Variants in ANPEP observed in about 807,000 individuals in gnomAD.
ANPEP encodes the protein alanyl aminopeptidase, membrane, also known as aminopeptidase N.
In ANPEP, 70 loss-of-function variants were observed where a neutral mutation model predicts 114.6. That is an observed-to-expected ratio of 0.61 (90% CI 0.50 to 0.75). The LOEUF (loss-of-function observed/expected upper bound fraction) is 0.75, where lower values mean the gene tolerates loss of function less well. Ranked by LOEUF, ANPEP falls within the 30% of genes least tolerant of loss-of-function variation. ANPEP has a pLI of 0.00. For missense variants in ANPEP, 1,184 were observed against 1,259.5 expected, an observed-to-expected ratio of 0.94 and a Z score of 0.91; for synonymous variants, 548 against 522.3, an observed-to-expected ratio of 1.05 and a Z score of -0.67.
chr15:89,797,883 AT>A (rs1256556169), intron 14 of ANPEP, among the ~76,000 whole-genome samples, 161 bp from the exon 15 acceptor site: 2 of 152,326 alleles, frequency 1.3e-5, no homozygotes, highest in East Asian at 3.9e-4. Context: ...CAGCTCAGGC[AT>A]TTGCCATGGA....
Position 89,803,360 on chromosome 15 carries a change from C to T in ANPEP, c.1504-56G>A. 1 of 1,613,554 alleles carries T rather than the reference C, an allele frequency of 6.2e-7. No individual in the cohort carries two copies. Among genetic ancestry groups the T allele is most frequent in the Non-Finnish European group, 8.5e-7 (1 of 1,179,502 alleles). On this transcript the variant is annotated intron_variant, in intron 9 of 20. Coordinates refer to ENST00000300060, the MANE Select transcript of ANPEP (RefSeq NM_001150.3). The surrounding 1 kb of genome is among the most constrained non-coding windows in gnomAD (Gnocchi z 4.2). ...AGCTGGAGCCCCCCAGGCTCCCCCT[C>T]TGTGGTGGGCAGAGGCCCGGGTCAA...
At chr15:89,801,803 C>G (rs1894597958) in intron 10 of ANPEP, among the ~76,000 whole-genome samples, 196 bp from the exon 11 acceptor site, 1 of 152,230 alleles carries the variant, frequency 6.6e-6, no homozygotes, top group African/African-American at 2.4e-5. Context: ...GCTGGACGAG[C>G]TGGAGAACTT....
At chr15:89,797,357 G>C (rs1453595816) in intron 15 of ANPEP, 2 of 574,134 alleles carry the variant, frequency 3.5e-6, no homozygotes, top group Non-Finnish European at 5.7e-6. Flanking sequence ...CTCAGTGCCT[G>C]CTCACTCACC....
chr15:89,792,615 T>C, intron 16 of ANPEP, 53 bp from the exon 17 acceptor site: 2 of 1,513,634 alleles, frequency 1.3e-6, no homozygotes, highest in East Asian at 2.3e-5. Flanking sequence ...CAGCCAAGAT[T>C]CACCTCTTGA....
chr15:89,785,298 G>A lies in ANPEP; in HGVS notation c.*51C>T. 1 of 1,609,160 alleles carries A rather than the reference G, an allele frequency of 6.2e-7. No homozygotes were observed. The highest frequency in any genetic ancestry group is 8.5e-7 in the Non-Finnish European group (1 of 1,176,176). ...AGGCCCTGCACCAGCCGCTGGGATG[G>A]ACACATGTGGGCACCTTGCATGGGG... is the stretch of plus-strand genomic sequence containing the variant. On this transcript the variant is annotated 3_prime_UTR_variant, in exon 21 of 21. Coordinates refer to ENST00000300060, the MANE Select transcript of ANPEP (RefSeq NM_001150.3).
In ANPEP at chr15:89,804,398, C is replaced by T; in HGVS notation, c.1034G>A (p.Gly345Asp). The stretch of plus-strand genomic sequence containing the variant: ...GGCGCCGGCGTTGAAGTCTGGCAGG[C>T]CAATCTGGTCTGGGGAGGCGATGCC... The part of the protein sequence containing the change: ...PYPLPKSDQI[G>D]LPDFNAGAME... Residue 345 changes from glycine to aspartate, a missense_variant, in exon 6 of 21, where the codon GGC (glycine) becomes GAC (aspartate). Transcript: ENST00000300060. 6.2e-7 allele frequency: 1 copy of T among 1,614,232 alleles called. No homozygotes were observed. Among genetic ancestry groups the T allele is most frequent in the Non-Finnish European group, 8.5e-7 (1 of 1,180,032 alleles).
chr15:89,801,285 C>A (rs989672382), intron 11 of ANPEP, 98 bp from the exon 12 acceptor site: 1 of 1,550,730 alleles, frequency 6.4e-7, no homozygotes, highest in Non-Finnish European at 8.9e-7. Context: ...AGCTCTGGCA[C>A]CGAGTGCCCC....
At position 89,792,216 on chromosome 15, in the gene ANPEP, C is replaced by T. The variant is rs150227387; in HGVS notation, c.2472G>A (p.Glu824=). The stretch of plus-strand genomic sequence containing the variant: ...CCAGGGCTGCCCGGAGCTTGTCAGC[C>T]TCATTGACCAGTGTGGCATTTCGGA... ...EQFRNATLVN[E]ADKLRAALAC... is the part of the protein sequence containing the mutation. Residue 824 remains glutamate, a synonymous_variant, in exon 18 of 21, where the codon GAG becomes GAA. Transcript: ENST00000300060. 3.7e-6 allele frequency: 6 copies of T among 1,614,108 alleles called. No individual in the cohort carries two copies. In the African/African-American group the frequency reaches 4.0e-5, roughly 11 times the overall value.
intron 18 of ANPEP, among the ~76,000 whole-genome samples, chr15:89,791,424 CTTTT>C (rs1968621989): frequency 6.8e-6 from 1 of 147,350 alleles, no homozygotes; most frequent in Non-Finnish European, 1.5e-5. Context: ...CCCTTCTTTT[CTTTT>C]CTTTTCTTTT....
intron 4 of ANPEP, 86 bp downstream of exon 4, chr15:89,804,992 G>A (rs117683789): frequency 0.011 from 16,866 of 1,576,706 alleles, 110 homozygotes; most frequent in Non-Finnish European, 0.012. Context: ...TAACAATTCA[G>A]AAACTGGCAC....
intron 20 of ANPEP, among the ~76,000 whole-genome samples, chr15:89,788,469 G>A (rs891805202): frequency 1.3e-5 from 2 of 152,198 alleles, no homozygotes; most frequent in African/African-American, 4.8e-5. Context: ...AGGGGCTGAG[G>A]GGACCAGGTA....
At chr15:89,809,047 C>A (rs1448098583) in intron 1 of ANPEP, among the ~76,000 whole-genome samples, 1 of 152,140 alleles carries the variant, frequency 6.6e-6, no homozygotes, top group Non-Finnish European at 1.5e-5. Context: ...GCAGACACCC[C>A]ATTAGGCTTG....
rs1211785120 is a variant in ANPEP, at chr15:89,806,831, T to C, written c.-223-25A>G. 1.1e-5 allele frequency: 6 copies of C among 537,528 alleles called. No individual in the cohort carries two copies. The highest frequency in any genetic ancestry group is 1.9e-5 in the Non-Finnish European group (6 of 314,638). The allele number at this position is 537,528 out of a possible 1,614,324, so 33.3% of individuals were successfully genotyped here. Reference sequence around the variant, plus strand: ...CCTGCTGGAAGCAAACAGTGTCTGGTTACAGGCTGCAGGCGGCCTGGGATC... The same window carrying C: ...CCTGCTGGAAGCAAACAGTGTCTGGCTACAGGCTGCAGGCGGCCTGGGATC... On this transcript the variant is annotated intron_variant, in intron 1 of 20. Transcript: ENST00000300060. This position sits in a 1 kb window ranked among gnomAD's most constrained non-coding sequence, Gnocchi z 5.7.
intron 2 of ANPEP, 91 bp from the exon 3 acceptor site, chr15:89,805,554 C>G: frequency 6.6e-7 from 1 of 1,519,504 alleles, no homozygotes; most frequent in Non-Finnish European, 8.9e-7. Context: ...GAAAGGGGTA[C>G]ATGGAAGGCT....
intron 12 of ANPEP, 61 bp downstream of exon 12, chr15:89,801,050 A>G (rs1894578205): frequency 6.7e-7 from 1 of 1,483,442 alleles, no homozygotes; most frequent in Admixed American, 1.7e-5. Flanking sequence ...CCCTCAGAAC[A>G]TGGGCCAGGA....
At chr15:89,797,313 T>C (rs1294555958) in intron 15 of ANPEP, 4 of 391,846 alleles carry the variant, frequency 1.0e-5, no homozygotes, top group African/African-American at 6.2e-5. Context: ...GCGACCTTTA[T>C]TGTTTTGCCC....
At chr15:89,797,248 T>A (rs1050172534) in intron 15 of ANPEP, among the ~76,000 whole-genome samples, 2 of 152,210 alleles carry the variant, frequency 1.3e-5, no homozygotes, top group African/African-American at 4.8e-5. Flanking sequence ...TTTCTGTGCC[T>A]TCTGAAAGCG....
rs1894722742 is a variant in ANPEP at position 89,806,656 on chromosome 15, A to G, written c.-73T>C. Reference sequence around the variant, plus strand: ...CGGAGCAGCCCCAGGCCGGGCTTATATCCCCAAAGGGGAGGAGCCCCACAA... The same window carrying G: ...CGGAGCAGCCCCAGGCCGGGCTTATGTCCCCAAAGGGGAGGAGCCCCACAA... On this transcript the variant is annotated 5_prime_UTR_variant, in exon 2 of 21. Transcript: ENST00000300060. The surrounding 1 kb of genome is among the most constrained non-coding windows in gnomAD (Gnocchi z 5.7). The G allele has an allele frequency of 1.4e-6, 2 of 1,468,676 alleles. No homozygotes were observed. Among genetic ancestry groups the G allele is most frequent in the African/African-American group, 1.4e-5 (1 of 70,272 alleles). 91.0% of individuals were successfully genotyped at this position (1,468,676 alleles called of 1,614,324 possible).
rs377108670 is a variant in ANPEP at position 89,801,501 on chromosome 15, C to T, written c.1676G>A (p.Gly559Glu). The change falls in exon 11 of 21, where the codon GGG becomes GAG. Residue 559 changes from glycine to glutamate, a missense_variant. Coordinates refer to ENST00000300060, the MANE Select transcript of ANPEP (RefSeq NM_001150.3). The part of the protein sequence containing the change: ...FPVITVDTST[G>E]TLSQEHFLLD... ...GAGGAAGTGCTCCTGGGAAAGGGTC[C>T]CCGTGCTGGTATCCACCGTGATGAC... 1.2e-6 allele frequency: 2 copies of T among 1,613,996 alleles called. No homozygotes were observed. The highest frequency in any genetic ancestry group is 1.3e-5 in the African/African-American group (1 of 74,916).
Sources: allele counts gnomAD v4.1 joint callset (sites outside exome capture counted in the v4.1 genomes callset), GRCh38; gene constraint gnomAD v4.1.1; non-coding constraint Gnocchi (gnomAD v3.1); transcripts MANE v1.5; gene names NCBI Gene and HGNC (gene_info 2026-07-23, HGNC 2026-07-21).